BEAN1: variants seen among roughly 807,000 people sequenced by gnomAD.
BEAN1 encodes brain expressed associated with NEDD4 1.
In BEAN1, 17 loss-of-function variants were observed where a neutral mutation model predicts 17.7. That is an observed-to-expected ratio of 0.96 (90% CI 0.66 to 1.44). The LOEUF (loss-of-function observed/expected upper bound fraction) is 1.44. Ranked by LOEUF, BEAN1 falls within the 40% of genes most tolerant of loss-of-function variation. The probability of loss-of-function intolerance (pLI) is 0.00; values close to 1 mark genes in which losing one functional copy is unlikely to be tolerated. For synonymous variants in BEAN1, 142 were observed against 151.8 expected, an observed-to-expected ratio of 0.94 and a Z score of 0.47; for missense variants, 359 against 374.1, an observed-to-expected ratio of 0.96 and a Z score of 0.33.
chr16:66,470,026 A>G (rs1238857894), intron 3 of BEAN1, 161 bp downstream of exon 3: 2 of 1,012,590 alleles, frequency 2.0e-6, no homozygotes, highest in African/African-American at 3.3e-5. Context: ...GGCGCCCACC[A>G]TAATGTTCTC....
intron 4 of BEAN1, among the ~76,000 whole-genome samples, chr16:66,492,552 G>A (rs1020221344): frequency 1.3e-5 from 2 of 152,126 alleles, no homozygotes; most frequent in Middle Eastern, 3.4e-3. Flanking sequence ...CAATTCTCCT[G>A]CCTCAGCCTC....
intron 2 of BEAN1, among the ~76,000 whole-genome samples, chr16:66,459,271 A>G (rs568689933): frequency 6.6e-6 from 1 of 151,554 alleles, no homozygotes; most frequent in Non-Finnish European, 1.5e-5. Flanking sequence ...AAACACTCTG[A>G]CCACGCCCCT....
chr16:66,491,495 A>G (rs936514424), intron 4 of BEAN1, among the ~76,000 whole-genome samples: 6 of 152,178 alleles, frequency 3.9e-5, no homozygotes, highest in African/African-American at 1.4e-4. Flanking sequence ...ATTTCAGTTT[A>G]AGAAATTGAG....
rs1214538097 is a variant in BEAN1, at chr16:66,482,672, A to G, written c.*1747A>G. Reference sequence around the variant, plus strand: ...CAATTCCAGAGAGTGCTGGGGGAAAAAAAGGGATAAAAATTCCTACCTACT... The same window carrying G: ...CAATTCCAGAGAGTGCTGGGGGAAAGAAAGGGATAAAAATTCCTACCTACT... On this transcript the variant is annotated 3_prime_UTR_variant, in exon 5 of 5. Transcript: ENST00000536005. 5 of 363,610 alleles carry G rather than the reference A, an allele frequency of 1.4e-5. No individual in the cohort carries two copies. The highest frequency in any genetic ancestry group is 8.5e-5 in the African/African-American group (4 of 46,826). The allele number at this position is 363,610 out of a possible 1,614,324, so 22.5% of individuals were successfully genotyped here. A position where few individuals can be genotyped will look rare whatever the true frequency, so the allele number is the denominator to read the frequency against.
downstream of BEAN1, chr16:66,485,098 G>A (rs771337815): frequency 2.6e-5 from 12 of 454,020 alleles, no homozygotes; most frequent in South Asian, 7.8e-5. Flanking sequence ...AGAAGAGGGC[G>A]GAAGGAGGGT....
downstream of BEAN1, chr16:66,485,864 C>A (rs922718465): frequency 2.0e-5 from 3 of 152,462 alleles, no homozygotes; most frequent in Non-Finnish European, 4.4e-5. Flanking sequence ...ACCCTCCACT[C>A]CCTGCCACTC....
intron 2 of BEAN1, among the ~76,000 whole-genome samples, chr16:66,445,471 G>C (rs535776140): frequency 1.2e-5 from 1 of 81,278 alleles, no homozygotes; most frequent in African/African-American, 4.8e-5. Flanking sequence ...GTGAGACTCC[G>C]TCTCAAAAAA....
chr16:66,474,583 AGGG>A (rs1567505021), intron 3 of BEAN1, among the ~76,000 whole-genome samples: 20 of 12,932 alleles, frequency 1.5e-3, no homozygotes, highest in African/African-American at 4.2e-3. Flanking sequence ...GGAGGGAGAG[AGGG>A]AGGGAGGGAG....
downstream of BEAN1, chr16:66,483,304 CTTT>C (rs766584099): frequency 3.3e-5 from 5 of 149,484 alleles, no homozygotes; most frequent in South Asian, 1.9e-4. Context: ...ACAGGAGTTG[CTTT>C]TTTTTTTTTA....
At chr16:66,436,128 T>C (rs1962005771) in intron 1 of BEAN1, among the ~76,000 whole-genome samples, 2 of 152,222 alleles carry the variant, frequency 1.3e-5, no homozygotes, top group Admixed American at 6.5e-5. Context: ...CAGTTTCGCT[T>C]CTGCAAGGCA....
chr16:66,468,110 C>T (rs761898289), intron 2 of BEAN1, among the ~76,000 whole-genome samples: 1 of 152,226 alleles, frequency 6.6e-6, no homozygotes, highest in Non-Finnish European at 1.5e-5. Flanking sequence ...GCCACCCACG[C>T]TCTCCTTGAT....
Position 66,434,645 on chromosome 16 carries a change from A to C in BEAN1, c.-82-2950A>C, listed in dbSNP as rs1961944187. ...GAGGTTGCAGCGGGAGGCTGTGTTT[A>C]AAGTGCTGATGGCATTGCAGGAGGC... On this transcript the variant is annotated intron_variant, in intron 1 of 4. Transcript: ENST00000536005. This position sits in a 1 kb window ranked among gnomAD's most constrained non-coding sequence, Gnocchi z 4.3. Among the ~76,000 whole-genome samples the C allele has an allele frequency of 6.6e-6, 1 of 152,160 alleles. No individual in the cohort carries two copies. Among genetic ancestry groups the C allele is most frequent in the Non-Finnish European group, 1.5e-5 (1 of 68,030 alleles).
chr16:66,462,283 T>C (rs908097037), intron 2 of BEAN1, among the ~76,000 whole-genome samples: 2 of 152,240 alleles, frequency 1.3e-5, no homozygotes, highest in African/African-American at 4.8e-5. Context: ...AGCTTTAGTT[T>C]ACAGTAGCCA....
chr16:66,476,250 G>A (rs8056099), intron 3 of BEAN1: 24,250 of 151,666 alleles, frequency 0.16, 3,041 homozygotes, highest in African/African-American at 0.35. Context: ...ATAACCCTGG[G>A]ATTGGAATTG....
chr16:66,465,054 G>A (rs1274701522), intron 2 of BEAN1, among the ~76,000 whole-genome samples: 1 of 152,150 alleles, frequency 6.6e-6, no homozygotes, highest in Admixed American at 6.5e-5. Context: ...CCCTTTATCA[G>A]GTTGAAGAAG....
chr16:66,464,862 C>T (rs1963209095), intron 2 of BEAN1, among the ~76,000 whole-genome samples: 1 of 152,066 alleles, frequency 6.6e-6, no homozygotes, highest in African/African-American at 2.4e-5. Context: ...TTTACTTCTT[C>T]CTTTACAATG....
intron 2 of BEAN1, among the ~76,000 whole-genome samples, chr16:66,456,442 A>G (rs1962870284): frequency 6.6e-6 from 1 of 152,148 alleles, no homozygotes; most frequent in Admixed American, 6.5e-5. Flanking sequence ...ACTGTCTCCT[A>G]CTTATCAGGC....
intron 1 of BEAN1, among the ~76,000 whole-genome samples, chr16:66,430,374 G>A (rs1961750735): frequency 6.6e-6 from 1 of 152,146 alleles, no homozygotes; most frequent in African/African-American, 2.4e-5. Flanking sequence ...CCATTTTATT[G>A]ATGAGAACAC....
Position 66,469,819 on chromosome 16 carries a change from T to C in BEAN1, c.243T>C (p.His81=), listed in dbSNP as rs77961560. Residue 81 remains histidine, a synonymous_variant, in exon 3 of 5, where the codon CAT becomes CAC. Transcript: ENST00000536005. ...GCCACCACCGCCACCACCACCACCATCATCACCACCGCCGGCGTCGACACC... is the reference window on the plus strand; with the variant it reads ...GCCACCACCGCCACCACCACCACCACCATCACCACCGCCGGCGTCGACACC... ...RHRHHRHHHH[H]HHHRRRRHRE... The C allele has an allele frequency of 5.2e-6, 8 of 1,526,026 alleles. No homozygotes were observed. In the East Asian group the frequency reaches 7.4e-5, roughly 14 times the overall value. 94.5% of individuals were successfully genotyped at this position (1,526,026 alleles called of 1,614,324 possible). A position where few individuals can be genotyped will look rare whatever the true frequency, so the allele number is the denominator to read the frequency against.
Sources: allele counts gnomAD v4.1 joint callset (sites outside exome capture counted in the v4.1 genomes callset), GRCh38; gene constraint gnomAD v4.1.1; non-coding constraint Gnocchi (gnomAD v3.1); transcripts MANE v1.5; gene names NCBI Gene and HGNC (gene_info 2026-07-23, HGNC 2026-07-21).